NFIB: variants seen among roughly 807,000 people sequenced by gnomAD.
NFIB encodes nuclear factor I B.
A neutral mutation model predicts 61.5 loss-of-function variants in NFIB; 11 were observed. That is an observed-to-expected ratio of 0.18 (90% CI 0.11 to 0.30). The LOEUF (loss-of-function observed/expected upper bound fraction) is 0.30. NFIB is among the 10% of genes least tolerant of loss of function. NFIB has a pLI of 1.00. For missense variants in NFIB, 471 were observed against 608.9 expected, an observed-to-expected ratio of 0.77 and a Z score of 2.38; for synonymous variants, 260 against 216.5, an observed-to-expected ratio of 1.20 and a Z score of -1.76.
intron 1 of NFIB, among the ~76,000 whole-genome samples, chr9:14,346,290 A>ACCCCCCCCCCCCCC (rs67699489): frequency 2.3e-5 from 2 of 88,436 alleles, no homozygotes; most frequent in Non-Finnish European, 5.1e-5. Context: ...GGTAACCGAC[A>ACCCCCCCCCCCCCC]CCCCCCCCCC....
Position 14,152,283 on chromosome 9 carries a change from G to A in NFIB, c.686-2018C>T, listed in dbSNP as rs74474282. On this transcript the variant is annotated intron_variant, in intron 4 of 10. Coordinates refer to ENST00000380953, the MANE Select transcript of NFIB (RefSeq NM_001190737.2). ...ACTTGTATCCAATGAGTAACTAAGT[G>A]CCTGATGGCTTGAATTATTTGGACA... Among the ~76,000 whole-genome samples the A allele has an allele frequency of 0.017, 2,605 of 152,154 alleles. 175 individuals are homozygous for A. The East Asian group carries it at 0.23, about 14-fold the overall frequency.
intron 1 of NFIB, among the ~76,000 whole-genome samples, chr9:14,353,569 T>G (rs1478476983): frequency 6.6e-6 from 1 of 152,068 alleles, no homozygotes; most frequent in Non-Finnish European, 1.5e-5. Flanking sequence ...TGAGAGAAAC[T>G]GAAAGGAGGG....
chr9:14,386,195 T>G (rs1036124409), intron 1 of NFIB, among the ~76,000 whole-genome samples: 4 of 152,242 alleles, frequency 2.6e-5, no homozygotes, highest in African/African-American at 9.6e-5. Context: ...AAAATTTAAA[T>G]GTAGCATAAT....
chr9:14,234,373 CTT>C (rs34134132), intron 2 of NFIB, among the ~76,000 whole-genome samples: 15,854 of 146,986 alleles, frequency 0.11, 1,042 homozygotes, highest in South Asian at 0.28. Flanking sequence ...TATCATTACT[CTT>C]TTTTTTTTTT....
Position 14,116,188 on chromosome 9 carries a change from T to C in NFIB, c.1384+20A>G. On this transcript the variant is annotated intron_variant, in intron 9 of 10. Coordinates refer to ENST00000380953, the MANE Select transcript of NFIB (RefSeq NM_001190737.2). The stretch of plus-strand genomic sequence containing the variant: ...TCCTATGGAAATACTTACTGGTTGC[T>C]GTAGGTGAAGCTGCCTCACCTTCAG... The C allele has an allele frequency of 6.7e-7, 1 of 1,488,080 alleles. No individual in the cohort carries two copies. Among genetic ancestry groups the C allele is most frequent in the Non-Finnish European group, 9.0e-7 (1 of 1,112,000 alleles). 92.2% of individuals were successfully genotyped at this position (1,488,080 alleles called of 1,614,324 possible).
chr9:14,518,244 A>G, the NFIB span, among the ~76,000 whole-genome samples: 2 of 152,202 alleles, frequency 1.3e-5, no homozygotes, highest in South Asian at 2.1e-4. Flanking sequence ...ATCTATGGCC[A>G]TGGCCCTGTG....
the NFIB span, among the ~76,000 whole-genome samples, chr9:14,467,900 A>G: frequency 1.8e-4 from 27 of 152,206 alleles, no homozygotes; most frequent in Non-Finnish European, 3.2e-4. Flanking sequence ...ATTTAATAAC[A>G]ATGTAGGTAT....
chr9:14,494,397 C>T, the NFIB span, among the ~76,000 whole-genome samples: 4 of 152,126 alleles, frequency 2.6e-5, no homozygotes, highest in African/African-American at 9.7e-5. Flanking sequence ...GTATACATGC[C>T]AAAGACGTAA....
the NFIB span, among the ~76,000 whole-genome samples, chr9:14,409,208 GTATT>G: frequency 6.6e-6 from 1 of 152,086 alleles, no homozygotes; most frequent in Admixed American, 6.5e-5. Flanking sequence ...TGAGTTTTGA[GTATT>G]TATTAGCTTG....
chr9:14,245,917 G>A (rs1236539614), intron 2 of NFIB, among the ~76,000 whole-genome samples: 2 of 151,902 alleles, frequency 1.3e-5, no homozygotes, highest in Admixed American at 6.6e-5. Context: ...ATAAAAGTGG[G>A]ACAGAGGAGG....
At chr9:14,199,233 TC>T (rs2131613377) in intron 2 of NFIB, among the ~76,000 whole-genome samples, 1 of 152,334 alleles carries the variant, frequency 6.6e-6, no homozygotes, top group Admixed American at 6.5e-5. Context: ...GCAATTGTGT[TC>T]TGGCAGCTCC....
At chr9:14,500,712 T>C in the NFIB span, among the ~76,000 whole-genome samples, 2 of 152,180 alleles carry the variant, frequency 1.3e-5, no homozygotes. Context: ...AATGAAACAT[T>C]CCTTGCCGCC....
At chr9:14,510,021 T>C in the NFIB span, among the ~76,000 whole-genome samples, 5 of 152,122 alleles carry the variant, frequency 3.3e-5, no homozygotes, top group African/African-American at 1.2e-4. Context: ...CTCAGCCTCC[T>C]GAGTAGCTGG....
chr9:14,402,250 T>C (rs1282949878), upstream of NFIB, among the ~76,000 whole-genome samples: 1 of 152,168 alleles, frequency 6.6e-6, no homozygotes, highest in Non-Finnish European at 1.5e-5. Flanking sequence ...AAACTACATT[T>C]TGGGAGGCAG....
intron 8 of NFIB, among the ~76,000 whole-genome samples, chr9:14,117,065 T>A (rs1171066631): frequency 1.3e-5 from 2 of 152,188 alleles, no homozygotes; most frequent in Non-Finnish European, 2.9e-5. Context: ...CTGAGCTACG[T>A]TTGTCCTTAC....
At chr9:14,294,312 G>T (rs2059283921) in intron 2 of NFIB, among the ~76,000 whole-genome samples, 1 of 152,164 alleles carries the variant, frequency 6.6e-6, no homozygotes, top group African/African-American at 2.4e-5. Flanking sequence ...CAGGAATAAA[G>T]AAATATGCAA....
At chr9:14,126,325 T>C (rs565368359) in intron 6 of NFIB, among the ~76,000 whole-genome samples, 16 of 152,354 alleles carry the variant, frequency 1.1e-4, no homozygotes, top group African/African-American at 3.6e-4. Flanking sequence ...AAATTAAAAG[T>C]AATTCCTGCT....
At chr9:14,145,232 C>T (rs575562760) in intron 6 of NFIB, among the ~76,000 whole-genome samples, 4 of 152,196 alleles carry the variant, frequency 2.6e-5, no homozygotes, top group Admixed American at 2.0e-4. Context: ...CTGTGTCCAG[C>T]CACATGGCAC....
At chr9:14,346,298 C>CG (rs2061021324) in intron 1 of NFIB, among the ~76,000 whole-genome samples, 3 of 144,228 alleles carry the variant, frequency 2.1e-5, no homozygotes, top group South Asian at 5.0e-4. Context: ...ACACCCCCCC[C>CG]CCGTAACCTG....
Sources: gnomAD v4.1 joint callset for allele counts (sites outside exome capture counted in the v4.1 genomes callset) on GRCh38, gnomAD v4.1.1 for gene constraint, MANE v1.5 for transcripts, NCBI Gene and HGNC (gene_info 2026-07-23, HGNC 2026-07-21) for gene names.